LMAN1: variants seen among roughly 807,000 people sequenced by gnomAD.
LMAN1 encodes the protein protein ERGIC-53.
Under a neutral mutation model 67.8 loss-of-function variants are expected in LMAN1, and 32 were observed. That is an observed-to-expected ratio of 0.47 (90% CI 0.36 to 0.63). The LOEUF (loss-of-function observed/expected upper bound fraction) is 0.63. Among genes scored for constraint, LMAN1 ranks in the 30% least tolerant of loss-of-function variants. LMAN1 has a pLI of 0.00. For synonymous variants in LMAN1, 235 were observed against 219.3 expected, an observed-to-expected ratio of 1.07 and a Z score of -0.63; for missense variants, 632 against 628.2, an observed-to-expected ratio of 1.01 and a Z score of -0.06.
intron 8 of LMAN1, among the ~76,000 whole-genome samples, chr18:59,345,248 T>C (rs746570080): frequency 2.4e-4 from 37 of 152,226 alleles, no homozygotes; most frequent in Admixed American, 5.2e-4. Context: ...TGATCACTTA[T>C]GCTGACTGGG....
At chr18:59,350,271 CT>C (rs1352724586) in intron 5 of LMAN1, among the ~76,000 whole-genome samples, 1 of 152,058 alleles carries the variant, frequency 6.6e-6, no homozygotes, top group Non-Finnish European at 1.5e-5. Flanking sequence ...AGTAATATTC[CT>C]ATTTCATTTT....
chr18:59,338,976 T>C (rs1445455622), intron 8 of LMAN1, 23 bp from the exon 9 acceptor site: 1 of 1,598,710 alleles, frequency 6.3e-7, no homozygotes, highest in Non-Finnish European at 8.5e-7. Context: ...TAAATAAAAA[T>C]GATCAGAGTC....
intron 10 of LMAN1, among the ~76,000 whole-genome samples, chr18:59,335,729 A>G (rs1908130554): frequency 6.6e-6 from 1 of 152,232 alleles, no homozygotes; most frequent in African/African-American, 2.4e-5. Flanking sequence ...TAAATGAGTA[A>G]TATCAGCCAT....
chr18:59,345,526 T>A lies in LMAN1; in HGVS notation c.955+393A>T, dbSNP rs533202475. 3.9e-5 allele frequency among the ~76,000 whole-genome samples: 6 copies of A among 152,314 alleles called. No homozygotes were observed. In the East Asian group the frequency reaches 9.6e-4, roughly 24 times the overall value. ...TTATGTGTCACTAAAACCAAAAATATACACTTTTGATGATTTCAGTCAAAA... is the reference window on the plus strand; with the variant it reads ...TTATGTGTCACTAAAACCAAAAATAAACACTTTTGATGATTTCAGTCAAAA... On this transcript the variant is annotated intron_variant, in intron 8 of 12. Transcript: ENST00000251047.
chr18:59,350,023 G>A (rs1908506048), intron 5 of LMAN1, among the ~76,000 whole-genome samples: 1 of 152,104 alleles, frequency 6.6e-6, no homozygotes, highest in African/African-American at 2.4e-5. Flanking sequence ...CAGAGTAAGG[G>A]AACTTGAGTC....
chr18:59,348,700 G>T (rs1004821906), intron 6 of LMAN1, among the ~76,000 whole-genome samples: 1 of 152,188 alleles, frequency 6.6e-6, no homozygotes, highest in African/African-American at 2.4e-5. Context: ...ATTTACATGT[G>T]ATGTGACAAT....
intron 8 of LMAN1, among the ~76,000 whole-genome samples, chr18:59,343,736 C>T (rs1010548396): frequency 6.6e-6 from 1 of 151,940 alleles, no homozygotes; most frequent in Non-Finnish European, 1.5e-5. Flanking sequence ...TGCATATTGG[C>T]CTAGGTAAAG....
intron 8 of LMAN1, among the ~76,000 whole-genome samples, chr18:59,340,204 G>A (rs1908256523): frequency 1.3e-5 from 2 of 152,142 alleles, no homozygotes; most frequent in African/African-American, 4.8e-5. Flanking sequence ...TTGTTGTCTG[G>A]CTAAGGAGAA....
intron 8 of LMAN1, among the ~76,000 whole-genome samples, chr18:59,343,872 A>G: frequency 6.6e-6 from 1 of 152,076 alleles, no homozygotes. Flanking sequence ...CAGAATGGGA[A>G]AAAATATTTG....
At chr18:59,353,159 G>A (rs757556675) in intron 5 of LMAN1, 43 bp downstream of exon 5, 3 of 1,492,350 alleles carry the variant, frequency 2.0e-6, no homozygotes, top group South Asian at 2.3e-5. Flanking sequence ...AAGTGATACT[G>A]TAACATTGTT....
At chr18:59,355,202 G>A in intron 3 of LMAN1, 111 bp downstream of exon 3, 1 of 798,218 alleles carries the variant, frequency 1.3e-6, no homozygotes, top group South Asian at 1.5e-5. Flanking sequence ...ATAGCTTGGG[G>A]AGTTCTGTAC....
chr18:59,337,953 A>G (rs1908196835), intron 10 of LMAN1, among the ~76,000 whole-genome samples: 1 of 152,206 alleles, frequency 6.6e-6, no homozygotes, highest in Non-Finnish European at 1.5e-5. Flanking sequence ...ATGGTTTGTT[A>G]TCTCTGCTCC....
At chr18:59,355,463 T>C in intron 2 of LMAN1, 41 bp downstream of exon 2, 4 of 1,613,976 alleles carry the variant, frequency 2.5e-6, no homozygotes, top group Non-Finnish European at 2.5e-6. Flanking sequence ...TAGTGGTATA[T>C]GCATTTATGC....
At chr18:59,355,775 G>T in intron 1 of LMAN1, 117 bp from the exon 2 acceptor site, 1 of 1,168,082 alleles carries the variant, frequency 8.6e-7, no homozygotes, top group Non-Finnish European at 1.2e-6. Context: ...ATAATGATTT[G>T]GAAAAAATTT....
intron 5 of LMAN1, among the ~76,000 whole-genome samples, chr18:59,351,807 G>C (rs41322248): frequency 6.6e-6 from 1 of 152,162 alleles, no homozygotes; most frequent in East Asian, 1.9e-4. Context: ...ATGCAGGTAA[G>C]CAAGACTTAC....
chr18:59,330,170 C>A lies in LMAN1; in HGVS notation c.*923G>T, dbSNP rs1457066983. 2.6e-5 allele frequency: 4 copies of A among 152,602 alleles called. No individual in the cohort carries two copies. The highest frequency in any genetic ancestry group is 5.9e-5 in the Non-Finnish European group (4 of 68,022). 9.5% of individuals were successfully genotyped at this position (152,602 alleles called of 1,614,324 possible). A position where few individuals can be genotyped will look rare whatever the true frequency, so the allele number is the denominator to read the frequency against. On this transcript the variant is annotated 3_prime_UTR_variant, in exon 13 of 13. Coordinates refer to ENST00000251047, the MANE Select transcript of LMAN1 (RefSeq NM_005570.4). ...TATGCAAATGGTCACTAACCCCAGC[C>A]AGCATGAAGTAACTAATGTAAACCA...
At chr18:59,342,145 G>C (rs1908302196) in intron 8 of LMAN1, among the ~76,000 whole-genome samples, 2 of 151,734 alleles carry the variant, frequency 1.3e-5, no homozygotes, top group Admixed American at 6.6e-5. Flanking sequence ...CAGAACTCCT[G>C]AACAGATCAA....
At position 59,345,945 on chromosome 18, in the gene LMAN1, C is replaced by T; in HGVS notation, c.929G>A (p.Gly310Asp). Reference protein sequence around the residue: ...LDKKKEEFQKGHPDLQGQPAE... With the variant: ...LDKKKEEFQKDHPDLQGQPAE... ...AGGCTGCCCTTGGAGGTCGGGGTGG[C>T]CCTTCTGGAATTCCTCTTTTTTTTT... The change falls in exon 8 of 13, where the codon GGC (glycine) becomes GAC (aspartate). Residue 310 changes from glycine (G) to aspartate (D), a missense_variant. Coordinates refer to ENST00000251047, the MANE Select transcript of LMAN1 (RefSeq NM_005570.4). 1.2e-6 allele frequency: 2 copies of T among 1,613,910 alleles called. No homozygotes were observed. The highest frequency in any genetic ancestry group is 1.7e-6 in the Non-Finnish European group (2 of 1,180,002).
intron 5 of LMAN1, among the ~76,000 whole-genome samples, chr18:59,349,496 T>C (rs1010619715): frequency 3.3e-5 from 5 of 152,204 alleles, no homozygotes; most frequent in Admixed American, 6.5e-5. Flanking sequence ...ATGGTTTGCC[T>C]TCTCTCAAGA....
Sources: allele counts gnomAD v4.1 joint callset (sites outside exome capture counted in the v4.1 genomes callset), GRCh38; gene constraint gnomAD v4.1.1; transcripts MANE v1.5; gene names NCBI Gene and HGNC (gene_info 2026-07-23, HGNC 2026-07-21).